The following SHROOM3 variants were observed in gnomAD, a reference collection of about 807,000 sequenced individuals.
The protein encoded by SHROOM3 is protein Shroom3.
SHROOM3 carries 47 observed loss-of-function variants against 138.6 expected under a neutral mutation model. The observed-to-expected ratio is 0.34, with a 90% confidence interval of 0.27 to 0.43. The LOEUF (loss-of-function observed/expected upper bound fraction) is 0.43, where lower values mean the gene tolerates loss of function less well. Among genes scored for constraint, SHROOM3 ranks in the 20% least tolerant of loss-of-function variants. The pLI is 1.00. For missense variants in SHROOM3, 2,491 were observed against 2,596.5 expected (o/e 0.96, Z 0.88); for synonymous variants, 1,062 against 1,063.3 (o/e 1.00, Z 0.02).
chr4:76,782,396 A>C lies in SHROOM3; in HGVS notation c.*3219A>C, dbSNP rs1312218375. The C allele has an allele frequency of 6.6e-6, 1 of 152,242 alleles. No homozygotes were observed. Among genetic ancestry groups the C allele is most frequent in the Non-Finnish European group, 1.5e-5 (1 of 68,042 alleles). 9.4% of individuals were successfully genotyped at this position (152,242 alleles called of 1,614,324 possible). A position where few individuals can be genotyped will look rare whatever the true frequency, so the allele number is the denominator to read the frequency against. ...AACTGAGGTCCTTTGAGGGAGCTATAAAGGAGAAACAACCTGGGACATCCC... is the reference window on the plus strand; with the variant it reads ...AACTGAGGTCCTTTGAGGGAGCTATCAAGGAGAAACAACCTGGGACATCCC... On this transcript the variant is annotated 3_prime_UTR_variant, in exon 11 of 11. Coordinates refer to ENST00000296043, the MANE Select transcript of SHROOM3 (RefSeq NM_020859.4).
At chr4:76,662,598 G>A (rs2110093844) in intron 2 of SHROOM3, among the ~76,000 whole-genome samples, 1 of 152,230 alleles carries the variant, frequency 6.6e-6, no homozygotes, top group Admixed American at 6.5e-5. Context: ...AATAACTAGG[G>A]GACAGGAATC....
At chr4:76,759,183 A>G (rs1032282561) in intron 8 of SHROOM3, among the ~76,000 whole-genome samples, 1 of 152,216 alleles carries the variant, frequency 6.6e-6, no homozygotes, top group African/African-American at 2.4e-5. Context: ...ATACTTTCAC[A>G]TTGATTGAGT....
intron 2 of SHROOM3, among the ~76,000 whole-genome samples, chr4:76,662,898 A>G (rs1718575914): frequency 6.6e-6 from 1 of 151,160 alleles, no homozygotes; most frequent in Admixed American, 6.6e-5. Context: ...AGGGAGAGAG[A>G]GAGGTAGAGG....
intron 1 of SHROOM3, among the ~76,000 whole-genome samples, chr4:76,480,565 A>T (rs957892980): frequency 6.6e-6 from 1 of 151,984 alleles, no homozygotes; most frequent in African/African-American, 2.4e-5. Flanking sequence ...CACTGTCAAT[A>T]TTAGATCAGT....
At chr4:76,439,063 A>T (rs1396836184) in intron 1 of SHROOM3, among the ~76,000 whole-genome samples, 1 of 152,212 alleles carries the variant, frequency 6.6e-6, no homozygotes, top group Non-Finnish European at 1.5e-5. Context: ...CCTCACACAG[A>T]TCTCACTGAG....
chr4:76,480,452 T>C (rs2109987355), intron 1 of SHROOM3, among the ~76,000 whole-genome samples: 1 of 152,314 alleles, frequency 6.6e-6, no homozygotes, highest in South Asian at 2.1e-4. Flanking sequence ...CCTAAATACA[T>C]ATGCACCCAA....
chr4:76,506,918 A>T (rs1732223354), intron 1 of SHROOM3, among the ~76,000 whole-genome samples: 1 of 152,136 alleles, frequency 6.6e-6, no homozygotes, highest in African/African-American at 2.4e-5. Context: ...GATCCCATGT[A>T]TGTAAAAATA....
At chr4:76,530,761 GC>G (rs536886854) in intron 1 of SHROOM3, among the ~76,000 whole-genome samples, 100 of 152,292 alleles carry the variant, frequency 6.6e-4, no homozygotes, top group African/African-American at 2.3e-3. Context: ...GGAACATGTA[GC>G]AGAGAGGACC....
intron 2 of SHROOM3, among the ~76,000 whole-genome samples, chr4:76,687,085 C>T (rs1025648046): frequency 2.6e-5 from 4 of 152,162 alleles, no homozygotes; most frequent in Non-Finnish European, 5.9e-5. Flanking sequence ...TATTTAAAAA[C>T]GTCTTTTGAA....
chr4:76,774,903 T>A (rs1285120550), intron 10 of SHROOM3, among the ~76,000 whole-genome samples: 2 of 152,070 alleles, frequency 1.3e-5, no homozygotes, highest in African/African-American at 4.8e-5. Flanking sequence ...TGTATTGAGG[T>A]ATACTTAAGT....
rs562376829 is a variant in SHROOM3 at position 76,451,379 on chromosome 4, G to A, written c.168+15159G>A. 1.9e-4 allele frequency among the ~76,000 whole-genome samples: 29 copies of A among 152,238 alleles called. 2 individuals are homozygous for A. The South Asian group carries it at 6.0e-3, about 32-fold the overall frequency. ...TGTGATTTACACCATTCAATAAACT[G>A]CAAAAAATTTGTGCAGAATCAAAGA... On this transcript the variant is annotated intron_variant, in intron 1 of 10. Transcript: ENST00000296043.
At chr4:76,559,795 G>A (rs1352975921) in intron 2 of SHROOM3, among the ~76,000 whole-genome samples, 1 of 152,180 alleles carries the variant, frequency 6.6e-6, no homozygotes, top group African/African-American at 2.4e-5. Flanking sequence ...CAAGAAAAAT[G>A]CAAAGCCTCA....
chr4:76,539,705 A>G (rs1194024606), intron 1 of SHROOM3, among the ~76,000 whole-genome samples: 2 of 152,376 alleles, frequency 1.3e-5, no homozygotes, highest in East Asian at 3.9e-4. Flanking sequence ...TGAAGGTCAC[A>G]TAACTTCTAA....
chr4:76,630,636 T>G (rs2110072499), intron 2 of SHROOM3, among the ~76,000 whole-genome samples: 1 of 152,062 alleles, frequency 6.6e-6, no homozygotes, highest in Non-Finnish European at 1.5e-5. Flanking sequence ...ATTCAATCAG[T>G]CACAAAAAAG....
intron 2 of SHROOM3, among the ~76,000 whole-genome samples, chr4:76,631,874 A>G (rs2110073555): frequency 6.6e-6 from 1 of 152,320 alleles, no homozygotes. Flanking sequence ...TTATTACACC[A>G]ATCTAAGGAG....
At position 76,608,616 on chromosome 4, in the gene SHROOM3, A is replaced by ATAG. The variant is rs1560563224; in HGVS notation, c.323+52853_323+52854insTAG. Among the ~76,000 whole-genome samples, 17 of 101,668 alleles carry ATAG rather than the reference A, an allele frequency of 1.7e-4. 2 individuals carry two copies. Among genetic ancestry groups the ATAG allele is most frequent in the East Asian group, 3.4e-4 (1 of 2,918 alleles). 66.7% of individuals were successfully genotyped at this position (101,668 alleles called of 152,430 possible). On this transcript the variant is annotated intron_variant, in intron 2 of 10. Coordinates refer to ENST00000296043, the MANE Select transcript of SHROOM3 (RefSeq NM_020859.4). ...ATAGCATAGCATAGCATAGCATTGG[A>ATAG]CAGAGATGGTATAGCATAGCATAGC...
chr4:76,548,114 G>A (rs964256625), intron 1 of SHROOM3, among the ~76,000 whole-genome samples: 1 of 152,144 alleles, frequency 6.6e-6, no homozygotes, highest in African/African-American at 2.4e-5. Context: ...AAGTCAAATG[G>A]TTCCCTGGGG....
intron 1 of SHROOM3, among the ~76,000 whole-genome samples, chr4:76,493,846 G>A (rs112175559): frequency 6.6e-6 from 1 of 152,138 alleles, no homozygotes; most frequent in Admixed American, 6.5e-5. Flanking sequence ...GGGCATGGTG[G>A]TGGCCACCTG....
chr4:76,459,609 T>C (rs954520377), intron 1 of SHROOM3, among the ~76,000 whole-genome samples: 6 of 152,146 alleles, frequency 3.9e-5, no homozygotes, highest in African/African-American at 9.7e-5. Context: ...CAGCCAGATA[T>C]GGCGCCATGG....
Sources: allele counts gnomAD v4.1 joint callset (sites outside exome capture counted in the v4.1 genomes callset), GRCh38; gene constraint gnomAD v4.1.1; transcripts MANE v1.5; gene names NCBI Gene and HGNC (gene_info 2026-07-23, HGNC 2026-07-21).